Variants in TMTC2 observed in about 807,000 individuals in gnomAD.
The protein encoded by TMTC2 is protein O-mannosyl-transferase TMTC2.
A neutral mutation model predicts 82.4 loss-of-function variants in TMTC2; 43 were observed. The ratio of observed to expected loss-of-function variants is 0.52; its 90% CI spans 0.41 to 0.67. The LOEUF is 0.67. TMTC2 is among the 30% of genes least tolerant of loss of function. TMTC2 has a pLI of 0.00. For missense variants in TMTC2, 919 were observed against 1,012.4 expected (o/e 0.91, Z 1.25); for synonymous variants, 408 against 381.9 (o/e 1.07, Z -0.80).
intron 3 of TMTC2, among the ~76,000 whole-genome samples, chr12:82,923,120 G>T (rs941970732): frequency 6.6e-6 from 1 of 151,964 alleles, no homozygotes; most frequent in African/African-American, 2.4e-5. Flanking sequence ...CACCAGCTGT[G>T]CACAGGATTC....
chr12:83,090,029 C>G (rs1198172529), intron 11 of TMTC2, among the ~76,000 whole-genome samples: 1 of 152,126 alleles, frequency 6.6e-6, no homozygotes, highest in Non-Finnish European at 1.5e-5. Flanking sequence ...CCACATTTAA[C>G]ATTTTTTCTG....
At chr12:83,111,339 A>C (rs1330436721) in intron 11 of TMTC2, among the ~76,000 whole-genome samples, 1 of 152,246 alleles carries the variant, frequency 6.6e-6, no homozygotes, top group Non-Finnish European at 1.5e-5. Flanking sequence ...TGTAGCCATA[A>C]GATCTCTGTT....
At chr12:82,866,701 G>T (rs1871885621) in intron 2 of TMTC2, among the ~76,000 whole-genome samples, 1 of 152,070 alleles carries the variant, frequency 6.6e-6, no homozygotes, top group South Asian at 2.1e-4. Context: ...AAAATGATGT[G>T]GTTTGCACAA....
chr12:82,797,241 A>G (rs1345377935), intron 1 of TMTC2, among the ~76,000 whole-genome samples: 3 of 152,208 alleles, frequency 2.0e-5, no homozygotes, highest in South Asian at 2.1e-4. Flanking sequence ...AATATTTCCC[A>G]TATAGCCTAG....
chr12:83,110,055 A>C (rs1346773459), intron 11 of TMTC2, among the ~76,000 whole-genome samples: 4 of 152,218 alleles, frequency 2.6e-5, no homozygotes, highest in Non-Finnish European at 5.9e-5. Context: ...ACCTGTCATT[A>C]TACTCAGCTG....
intron 8 of TMTC2, among the ~76,000 whole-genome samples, chr12:83,004,521 T>C (rs1448143293): frequency 6.6e-6 from 1 of 152,126 alleles, no homozygotes; most frequent in East Asian, 1.9e-4. Context: ...TGTTCCTTTA[T>C]CTGTTTTAGA....
chr12:83,059,131 C>T (rs749743189), intron 10 of TMTC2, among the ~76,000 whole-genome samples: 1 of 151,836 alleles, frequency 6.6e-6, no homozygotes, highest in African/African-American at 2.4e-5. Flanking sequence ...CTGAGTCCTG[C>T]GATCAGTCCC....
chr12:82,766,376 A>C (rs1261161090), intron 1 of TMTC2, among the ~76,000 whole-genome samples: 1 of 152,144 alleles, frequency 6.6e-6, no homozygotes, highest in Non-Finnish European at 1.5e-5. Context: ...TTCATCAACT[A>C]AATGCCCCAA....
intron 10 of TMTC2, among the ~76,000 whole-genome samples, chr12:83,060,201 G>A (rs903835881): frequency 2.6e-5 from 4 of 151,656 alleles, no homozygotes; most frequent in Non-Finnish European, 5.9e-5. Flanking sequence ...TAGGTCAAGG[G>A]TTTTTACTTT....
chr12:82,963,936 G>A (rs1318558955), intron 4 of TMTC2, among the ~76,000 whole-genome samples: 1 of 147,958 alleles, frequency 6.8e-6, no homozygotes, highest in Non-Finnish European at 1.5e-5. Context: ...TTTAATATAT[G>A]CTTTTGACAC....
At position 82,985,975 on chromosome 12, in the gene TMTC2, A is replaced by G. The variant is rs759157085; in HGVS notation, c.1999A>G (p.Met667Val). The part of the protein sequence containing the change: ...SKLPEAEHWY[M>V]ESLRSKTDHI... ...ACTCCCCGAAGCAGAGCATTGGTAT[A>G]TGGAATCACTGAGATCCAAGACTGA... Residue 667 changes from methionine (M) to valine (V), a missense_variant, in exon 8 of 12, where the codon ATG becomes GTG. Coordinates refer to ENST00000321196, the MANE Select transcript of TMTC2 (RefSeq NM_152588.3). The G allele has an allele frequency of 4.3e-6, 7 of 1,614,064 alleles. No homozygotes were observed. The highest frequency in any genetic ancestry group is 3.3e-5 in the Admixed American group (2 of 60,024).
At chr12:83,099,233 A>G (rs1234871324) in intron 11 of TMTC2, among the ~76,000 whole-genome samples, 6 of 152,180 alleles carry the variant, frequency 3.9e-5, no homozygotes, top group Non-Finnish European at 7.3e-5. Context: ...TTAAAAGCCT[A>G]ATTTCCTTCA....
chr12:82,720,792 A>T (rs1329335541), intron 1 of TMTC2, among the ~76,000 whole-genome samples: 1 of 152,192 alleles, frequency 6.6e-6, no homozygotes, highest in Non-Finnish European at 1.5e-5. Context: ...CTTGATGATT[A>T]GTACTTTTGA....
At chr12:82,699,581 G>A (rs2136896510) in intron 1 of TMTC2, among the ~76,000 whole-genome samples, 1 of 152,248 alleles carries the variant, frequency 6.6e-6, no homozygotes, top group East Asian at 1.9e-4. Flanking sequence ...TGTCAGATGA[G>A]CTGCAGTTTT....
At chr12:82,836,315 T>C (rs1870038235) in intron 1 of TMTC2, among the ~76,000 whole-genome samples, 1 of 152,174 alleles carries the variant, frequency 6.6e-6, no homozygotes, top group Non-Finnish European at 1.5e-5. Context: ...CTTACAGATA[T>C]GATTGAATTA....
At chr12:82,766,944 GCACGCCACCA>G (rs1876997884) in intron 1 of TMTC2, among the ~76,000 whole-genome samples, 1 of 152,064 alleles carries the variant, frequency 6.6e-6, no homozygotes, top group Non-Finnish European at 1.5e-5. Flanking sequence ...GACTACAAGT[GCACGCCACCA>G]CACCCAGATA....
intron 11 of TMTC2, among the ~76,000 whole-genome samples, chr12:83,096,935 C>T (rs548242225): frequency 1.3e-5 from 2 of 152,256 alleles, no homozygotes; most frequent in Non-Finnish European, 2.9e-5. Flanking sequence ...ATTCATAGTT[C>T]TTATCATAAT....
intron 9 of TMTC2, among the ~76,000 whole-genome samples, chr12:83,031,893 T>G (rs547771621): frequency 6.6e-6 from 1 of 152,340 alleles, no homozygotes; most frequent in African/African-American, 2.4e-5. Flanking sequence ...GTGCATTATC[T>G]TCCCAGCATT....
intron 1 of TMTC2, among the ~76,000 whole-genome samples, chr12:82,769,478 CAAAAAA>C (rs1182005796): frequency 1.0e-5 from 1 of 98,882 alleles, no homozygotes; most frequent in Non-Finnish European, 2.0e-5. Context: ...TGTCTCAAAC[CAAAAAA>C]AAGAAAAAGA....
Sources: allele counts gnomAD v4.1 joint callset (sites outside exome capture counted in the v4.1 genomes callset), GRCh38; gene constraint gnomAD v4.1.1; transcripts MANE v1.5; gene names NCBI Gene and HGNC (gene_info 2026-07-23, HGNC 2026-07-21).